Variants in FNIP2 observed in about 807,000 individuals in gnomAD.
FNIP2 encodes the protein folliculin interacting protein 2, also known as folliculin-interacting protein 2.
FNIP2 carries 32 observed loss-of-function variants against 108.7 expected under a neutral mutation model. The observed-to-expected ratio is 0.29, with a 90% CI of 0.22 to 0.40. The LOEUF (loss-of-function observed/expected upper bound fraction) is 0.40. Ranked by LOEUF, FNIP2 falls within the 10% of genes least tolerant of loss-of-function variation. FNIP2 has a pLI of 1.00. For missense variants in FNIP2, 1,202 were observed against 1,381.6 expected, an observed-to-expected ratio of 0.87 and a Z score of 2.06; for synonymous variants, 480 against 496.7, an observed-to-expected ratio of 0.97 and a Z score of 0.45.
intron 3 of FNIP2, among the ~76,000 whole-genome samples, chr4:158,831,194 T>C (rs1778463039): frequency 6.6e-6 from 1 of 152,144 alleles, no homozygotes; most frequent in Admixed American, 6.5e-5. Context: ...AGGTCATCAT[T>C]GGAGCAGTTG....
At chr4:158,848,505 G>A (rs925991703) in intron 7 of FNIP2, among the ~76,000 whole-genome samples, 8 of 152,166 alleles carry the variant, frequency 5.3e-5, no homozygotes, top group East Asian at 1.9e-4. Flanking sequence ...AGAAGGGTGG[G>A]TACAGACAAG....
At chr4:158,807,484 C>T (rs1777032333) in intron 1 of FNIP2, among the ~76,000 whole-genome samples, 2 of 152,096 alleles carry the variant, frequency 1.3e-5, no homozygotes, top group Non-Finnish European at 2.9e-5. Flanking sequence ...GCCTGGGCAA[C>T]CGAGCAAGAC....
chr4:158,863,402 C>T (rs183378290), intron 12 of FNIP2, among the ~76,000 whole-genome samples: 2 of 152,340 alleles, frequency 1.3e-5, no homozygotes, highest in Admixed American at 6.5e-5. Context: ...ATAGAGAAGA[C>T]TATCTGGAAT....
At chr4:158,867,994 C>T in intron 12 of FNIP2, 108 bp from the exon 13 acceptor site, 2 of 1,435,472 alleles carry the variant, frequency 1.4e-6, no homozygotes, top group Non-Finnish European at 1.9e-6. Flanking sequence ...GAAGCAGGGA[C>T]TCCAGATTGG....
chr4:158,873,385 T>C (rs1781074621), intron 14 of FNIP2, among the ~76,000 whole-genome samples: 1 of 152,108 alleles, frequency 6.6e-6, no homozygotes, highest in Admixed American at 6.5e-5. Flanking sequence ...TTTGTTTTTG[T>C]TTTTGTTTTT....
At chr4:158,813,400 CTTG>C (rs1241037379) in intron 1 of FNIP2, among the ~76,000 whole-genome samples, 5 of 152,126 alleles carry the variant, frequency 3.3e-5, no homozygotes, top group South Asian at 4.1e-4. Flanking sequence ...AGTAGTATCT[CTTG>C]TTGTTTAAAT....
intron 7 of FNIP2, among the ~76,000 whole-genome samples, chr4:158,850,293 T>C (rs28703970): frequency 0.049 from 7,505 of 152,212 alleles, 468 homozygotes; most frequent in African/African-American, 0.15. Context: ...TATTTTCCAC[T>C]GGACTGAGTG....
At chr4:158,872,791 T>C (rs946309312) in intron 14 of FNIP2, 45 of 966,204 alleles carry the variant, frequency 4.7e-5, no homozygotes, top group Non-Finnish European at 5.3e-5. Context: ...TACAAACATT[T>C]GTTGAAAAAT....
chr4:158,806,839 G>T (rs1361112381), intron 1 of FNIP2, among the ~76,000 whole-genome samples: 2 of 152,206 alleles, frequency 1.3e-5, no homozygotes, highest in South Asian at 4.1e-4. Context: ...GTGGCAGCCA[G>T]GTGGTTGTGC....
At chr4:158,780,949 C>G (rs1211174320) in intron 1 of FNIP2, among the ~76,000 whole-genome samples, 1 of 151,324 alleles carries the variant, frequency 6.6e-6, no homozygotes, top group Non-Finnish European at 1.5e-5. Context: ...GCAGGAGAAT[C>G]GCTCGAACCC....
chr4:158,851,688 T>C (rs143754139), intron 8 of FNIP2, among the ~76,000 whole-genome samples: 1 of 152,232 alleles, frequency 6.6e-6, no homozygotes. Flanking sequence ...AGTTGTATCA[T>C]GTTGAGCTAG....
intron 1 of FNIP2, among the ~76,000 whole-genome samples, chr4:158,784,063 AG>A (rs1776137732): frequency 1.3e-5 from 2 of 152,346 alleles, no homozygotes; most frequent in East Asian, 3.9e-4. Context: ...TAGCATAATT[AG>A]TGGAAATAGG....
intron 1 of FNIP2, among the ~76,000 whole-genome samples, chr4:158,808,187 G>A (rs765247444): frequency 2.0e-5 from 3 of 152,022 alleles, no homozygotes; most frequent in African/African-American, 4.8e-5. Context: ...TCTGTATTCC[G>A]TATTTTTGTT....
intron 8 of FNIP2, 51 bp from the exon 9 acceptor site, chr4:158,859,006 A>G (rs1178680569): frequency 1.3e-6 from 2 of 1,495,870 alleles, no homozygotes; most frequent in African/African-American, 2.8e-5. Flanking sequence ...GTTGACCTTC[A>G]GTGTGACTCA....
At chr4:158,795,441 C>G (rs1038772908) in intron 1 of FNIP2, among the ~76,000 whole-genome samples, 4 of 152,228 alleles carry the variant, frequency 2.6e-5, no homozygotes, top group African/African-American at 9.6e-5. Context: ...GGATTCCTAA[C>G]TGACATCTAC....
chr4:158,855,714 G>C (rs1454147111), intron 8 of FNIP2, among the ~76,000 whole-genome samples: 1 of 152,208 alleles, frequency 6.6e-6, no homozygotes, highest in Non-Finnish European at 1.5e-5. Flanking sequence ...CCAAAGTGCT[G>C]GGATTACAGG....
chr4:158,846,463 A>T (rs1361666389), intron 7 of FNIP2, among the ~76,000 whole-genome samples: 1 of 152,192 alleles, frequency 6.6e-6, no homozygotes, highest in Non-Finnish European at 1.5e-5. Flanking sequence ...ACTGCTGGCC[A>T]AGTGTCACAG....
intron 1 of FNIP2, among the ~76,000 whole-genome samples, chr4:158,798,888 T>C (rs1346994791): frequency 1.3e-5 from 2 of 152,240 alleles, no homozygotes; most frequent in South Asian, 2.1e-4. Flanking sequence ...CCTGAATGAA[T>C]TTTTTATTCC....
At chr4:158,769,792 CATATATG>C (rs1202727635) in intron 1 of FNIP2, among the ~76,000 whole-genome samples, 1 of 152,188 alleles carries the variant, frequency 6.6e-6, no homozygotes, top group African/African-American at 2.4e-5. Flanking sequence ...TCTTTCTTGC[CATATATG>C]ACAAGCTCTC....
Sources: gnomAD v4.1 joint callset for allele counts (sites outside exome capture counted in the v4.1 genomes callset) on GRCh38, gnomAD v4.1.1 for gene constraint, MANE v1.5 for transcripts, NCBI Gene and HGNC (gene_info 2026-07-23, HGNC 2026-07-21) for gene names.